The following PRKG1 variants were observed in gnomAD, a reference collection of about 807,000 sequenced individuals.
PRKG1 encodes the protein cGMP-dependent protein kinase 1.
Under a neutral mutation model 88.1 loss-of-function variants are expected in PRKG1, and 35 were observed. The observed-to-expected ratio is 0.40, with a 90% CI of 0.30 to 0.53. The LOEUF (loss-of-function observed/expected upper bound fraction) is 0.53. PRKG1 is among the 20% of genes least tolerant of loss of function. PRKG1 has a pLI of 0.59. For synonymous variants in PRKG1, 303 were observed against 292.5 expected (o/e 1.04, Z -0.37); for missense variants, 540 against 839.8 (o/e 0.64, Z 4.41).
intron 2 of PRKG1, among the ~76,000 whole-genome samples, chr10:51,402,427 C>A (rs1054475186): frequency 2.0e-5 from 3 of 152,176 alleles, no homozygotes; most frequent in Non-Finnish European, 2.9e-5. Flanking sequence ...TGCATTTACC[C>A]TCTGCCATAG....
At chr10:51,080,577 A>G (rs567966913) in intron 1 of PRKG1, among the ~76,000 whole-genome samples, 2 of 152,348 alleles carry the variant, frequency 1.3e-5, no homozygotes, top group South Asian at 4.1e-4. Flanking sequence ...TGTTGCTAGC[A>G]TTCCAGATCC....
chr10:51,903,238 G>A (rs555327885), intron 4 of PRKG1, among the ~76,000 whole-genome samples: 1 of 152,064 alleles, frequency 6.6e-6, no homozygotes, highest in South Asian at 2.1e-4. Context: ...GCAGTGTTCA[G>A]ATTTTGACTG....
intron 2 of PRKG1, among the ~76,000 whole-genome samples, chr10:51,462,008 C>G (rs1009850131): frequency 2.0e-5 from 3 of 152,190 alleles, no homozygotes; most frequent in African/African-American, 7.2e-5. Flanking sequence ...GAAAATACAT[C>G]CTTGCTGGTG....
chr10:51,111,686 A>T (rs1844983135), intron 1 of PRKG1, among the ~76,000 whole-genome samples: 1 of 152,144 alleles, frequency 6.6e-6, no homozygotes, highest in African/African-American at 2.4e-5. Flanking sequence ...GTTTGTGTGC[A>T]TTTCTAAGGG....
At chr10:51,810,630 G>A (rs1478174747) in intron 4 of PRKG1, among the ~76,000 whole-genome samples, 1 of 152,054 alleles carries the variant, frequency 6.6e-6, no homozygotes, top group East Asian at 1.9e-4. Context: ...AATAATGCTT[G>A]TATATATATC....
chr10:52,018,808 C>T (rs1379470550), intron 5 of PRKG1, among the ~76,000 whole-genome samples: 2 of 152,048 alleles, frequency 1.3e-5, no homozygotes, highest in Non-Finnish European at 2.9e-5. Context: ...GGTTTTTAAG[C>T]CCTGGAGTGA....
chr10:51,888,370 C>G (rs1050899636), intron 4 of PRKG1, among the ~76,000 whole-genome samples: 1 of 152,172 alleles, frequency 6.6e-6, no homozygotes, highest in Non-Finnish European at 1.5e-5. Context: ...AATACAAATT[C>G]TACTTTGAAA....
At chr10:51,399,606 A>C (rs1345171997) in intron 2 of PRKG1, among the ~76,000 whole-genome samples, 1 of 152,182 alleles carries the variant, frequency 6.6e-6, no homozygotes, top group African/African-American at 2.4e-5. Flanking sequence ...AGAAAAATAA[A>C]ATCAAAACCA....
intron 3 of PRKG1, among the ~76,000 whole-genome samples, chr10:51,801,028 C>T (rs989490755): frequency 6.6e-6 from 1 of 152,102 alleles, no homozygotes; most frequent in African/African-American, 2.4e-5. Context: ...CATCTCTTCT[C>T]AGCTCCTCCC....
chr10:51,125,489 C>T (rs962199058), intron 1 of PRKG1, among the ~76,000 whole-genome samples: 21 of 150,288 alleles, frequency 1.4e-4, no homozygotes, highest in African/African-American at 4.9e-4. Context: ...GGAGTTCAAG[C>T]CTGGCCAACA....
chr10:51,805,622 T>C (rs940585573), intron 4 of PRKG1, among the ~76,000 whole-genome samples: 3 of 152,024 alleles, frequency 2.0e-5, no homozygotes, highest in Non-Finnish European at 4.4e-5. Context: ...GGTGAATAAA[T>C]TGTTAAAATG....
At chr10:52,151,016 A>AT (rs66744009) in intron 8 of PRKG1, among the ~76,000 whole-genome samples, 1 of 151,886 alleles carries the variant, frequency 6.6e-6, no homozygotes, top group African/African-American at 2.4e-5. Flanking sequence ...TTTTGATAGG[A>AT]TTTTTTTGCC....
intron 3 of PRKG1, among the ~76,000 whole-genome samples, chr10:51,547,903 G>T (rs899134853): frequency 1.3e-5 from 2 of 152,078 alleles, no homozygotes; most frequent in Non-Finnish European, 2.9e-5. Flanking sequence ...CAAAGTTGGT[G>T]AATGAATTAT....
At chr10:52,241,192 A>G (rs1226806829) in intron 9 of PRKG1, among the ~76,000 whole-genome samples, 2 of 152,158 alleles carry the variant, frequency 1.3e-5, no homozygotes, top group African/African-American at 4.8e-5. Context: ...AGTTGAAAGC[A>G]GGACTCCATG....
At chr10:52,193,562 A>AAC (rs1564511348) in intron 9 of PRKG1, among the ~76,000 whole-genome samples, 5 of 120,068 alleles carry the variant, frequency 4.2e-5, no homozygotes, top group Admixed American at 1.7e-4. Flanking sequence ...AAAAAAAAAA[A>AAC]CAAAAAAAAA....
At chr10:51,584,269 T>G (rs1838117500) in intron 3 of PRKG1, among the ~76,000 whole-genome samples, 2 of 152,204 alleles carry the variant, frequency 1.3e-5, no homozygotes, top group South Asian at 4.1e-4. Flanking sequence ...TTAACTAAAG[T>G]GATTTTTAAA....
intron 7 of PRKG1, among the ~76,000 whole-genome samples, chr10:52,117,630 T>G (rs1166555490): frequency 2.0e-5 from 3 of 152,144 alleles, no homozygotes; most frequent in African/African-American, 7.2e-5. Context: ...TTTGTATATC[T>G]TTTATTAAAA....
At chr10:51,028,348 T>C (rs1843236225) in intron 1 of PRKG1, among the ~76,000 whole-genome samples, 1 of 152,158 alleles carries the variant, frequency 6.6e-6, no homozygotes, top group Non-Finnish European at 1.5e-5. Flanking sequence ...AATCCAGTGA[T>C]TTATCAGGTC....
intron 10 of PRKG1, chr10:52,252,753 A>T (rs561384054): frequency 2.6e-5 from 4 of 152,126 alleles, no homozygotes; most frequent in Non-Finnish European, 4.4e-5. Flanking sequence ...TGCTTCCCTT[A>T]ACACTGGTTG....
Sources: gnomAD v4.1 joint callset for allele counts (sites outside exome capture counted in the v4.1 genomes callset) on GRCh38, gnomAD v4.1.1 for gene constraint, MANE v1.5 for transcripts, NCBI Gene and HGNC (gene_info 2026-07-23, HGNC 2026-07-21) for gene names.